Variants in DSTYK observed in about 807,000 individuals in gnomAD.
The protein encoded by DSTYK is dual serine/threonine and tyrosine protein kinase, also known as RIP-homologous kinase.
DSTYK carries 34 observed loss-of-function variants against 98.7 expected under a neutral mutation model. The observed-to-expected ratio is 0.34, with a 90% CI of 0.26 to 0.46. The LOEUF is 0.46. Among genes scored for constraint, DSTYK ranks in the 20% least tolerant of loss-of-function variants. DSTYK has a pLI of 1.00. For synonymous variants in DSTYK, 462 were observed against 457.3 expected, an observed-to-expected ratio of 1.01 and a Z score of -0.13; for missense variants, 962 against 1,181.7, an observed-to-expected ratio of 0.81 and a Z score of 2.73.
chr1:205,202,300 A>G, intron 1 of DSTYK: 2 of 665,672 alleles, frequency 3.0e-6, no homozygotes, highest in Non-Finnish European at 5.8e-6. Flanking sequence ...CAGGCCATCA[A>G]GGGTATGCAT....
At chr1:205,165,880 G>A (rs913664526) in intron 3 of DSTYK, among the ~76,000 whole-genome samples, 3 of 152,014 alleles carry the variant, frequency 2.0e-5, no homozygotes, top group Non-Finnish European at 4.4e-5. Flanking sequence ...TTTAGACCCA[G>A]GTGTGATGGT....
chr1:205,187,280 T>C, intron 2 of DSTYK, 138 bp downstream of exon 2: 15 of 1,005,446 alleles, frequency 1.5e-5, no homozygotes, highest in Non-Finnish European at 2.1e-5. Context: ...ACTTCCCAGA[T>C]TATGTTCCTC....
intron 1 of DSTYK, among the ~76,000 whole-genome samples, chr1:205,195,547 C>T (rs1658841081): frequency 6.6e-6 from 1 of 152,200 alleles, no homozygotes; most frequent in Non-Finnish European, 1.5e-5. Context: ...GGTAGTCTGG[C>T]TTTCAGAATC....
At chr1:205,176,499 A>AAAAAAAAAAAAAAAAT (rs1658235902) in intron 2 of DSTYK, among the ~76,000 whole-genome samples, 1 of 149,796 alleles carries the variant, frequency 6.7e-6, no homozygotes, top group Non-Finnish European at 1.5e-5. Context: ...AAAAAAAAAA[A>AAAAAAAAAAAAAAAAT]AAAAAAAAAA....
chr1:205,145,630 GTGATTCTCCTGCC>G lies in DSTYK; in HGVS notation c.*1915_*1927del, dbSNP rs1305308944. The G allele has an allele frequency of 6.7e-6, 1 of 148,796 alleles. No individual in the cohort carries two copies. Among genetic ancestry groups the G allele is most frequent in the African/African-American group, 2.4e-5 (1 of 40,856 alleles). The allele number at this position is 148,796 out of a possible 1,614,324, so 9.2% of individuals were successfully genotyped here. A position where few individuals can be genotyped will look rare whatever the true frequency, so the allele number is the denominator to read the frequency against. ...CATGACCTCTGCCTCCCGGGTTCAAGTGATTCTCCTGCCTCAGCCTCCCAAGTAGCTGGGATTA... is the reference window on the plus strand; with the variant it reads ...CATGACCTCTGCCTCCCGGGTTCAAGTCAGCCTCCCAAGTAGCTGGGATTA... On this transcript the variant is annotated 3_prime_UTR_variant, in exon 13 of 13. Transcript: ENST00000367162.
intron 1 of DSTYK, among the ~76,000 whole-genome samples, chr1:205,209,118 T>C (rs1243775707): frequency 6.6e-6 from 1 of 152,218 alleles, no homozygotes; most frequent in Non-Finnish European, 1.5e-5. Flanking sequence ...GGTATATTTG[T>C]ATGTCTTAAG....
chr1:205,203,968 C>T (rs898631555), intron 1 of DSTYK, among the ~76,000 whole-genome samples: 1 of 152,164 alleles, frequency 6.6e-6, no homozygotes, highest in Non-Finnish European at 1.5e-5. Flanking sequence ...AAACAGATTA[C>T]CCCCAGAAAG....
At chr1:205,188,037 G>A (rs1309137869) in intron 1 of DSTYK, among the ~76,000 whole-genome samples, 2 of 152,086 alleles carry the variant, frequency 1.3e-5, no homozygotes, top group Non-Finnish European at 2.9e-5. Context: ...GGAACAAACT[G>A]TTATTTCTAC....
chr1:205,174,575 T>C (rs1658170695), intron 2 of DSTYK, among the ~76,000 whole-genome samples: 1 of 150,300 alleles, frequency 6.7e-6, no homozygotes, highest in East Asian at 2.0e-4. Flanking sequence ...CTCAGCTACT[T>C]GGGAGGCTGA....
At chr1:205,196,854 G>C (rs537487340) in intron 1 of DSTYK, among the ~76,000 whole-genome samples, 2 of 150,136 alleles carry the variant, frequency 1.3e-5, no homozygotes, top group African/African-American at 4.9e-5. Context: ...AGCCTTCCGG[G>C]TTCGAGCAAT....
intron 1 of DSTYK, among the ~76,000 whole-genome samples, chr1:205,193,095 T>C (rs1380982002): frequency 2.6e-5 from 4 of 152,180 alleles, no homozygotes; most frequent in Non-Finnish European, 5.9e-5. Context: ...GCATTACCAC[T>C]GGCTGGTACA....
chr1:205,210,238 G>T (rs1439864372), intron 1 of DSTYK, among the ~76,000 whole-genome samples: 1 of 151,998 alleles, frequency 6.6e-6, no homozygotes, highest in Non-Finnish European at 1.5e-5. Flanking sequence ...TAGATTCTTA[G>T]GACCCACTTC....
At chr1:205,182,342 A>G (rs772349505) in intron 2 of DSTYK, among the ~76,000 whole-genome samples, 8 of 151,808 alleles carry the variant, frequency 5.3e-5, no homozygotes, top group Admixed American at 2.0e-4. Flanking sequence ...GTGAGCCAAG[A>G]TCGTACCACT....
At chr1:205,180,327 T>C (rs564012254) in intron 2 of DSTYK, among the ~76,000 whole-genome samples, 2 of 146,550 alleles carry the variant, frequency 1.4e-5, no homozygotes, top group Admixed American at 6.8e-5. Context: ...TGTGTTCTCA[T>C]TGTTCAACTC....
At chr1:205,156,690 T>C (rs1429069982) in intron 10 of DSTYK, among the ~76,000 whole-genome samples, 1 of 152,212 alleles carries the variant, frequency 6.6e-6, no homozygotes, top group Non-Finnish European at 1.5e-5. Flanking sequence ...CTTGGACTTT[T>C]GGATTAATGC....
At chr1:205,196,694 T>A (rs1424327567) in intron 1 of DSTYK, among the ~76,000 whole-genome samples, 1 of 148,508 alleles carries the variant, frequency 6.7e-6, no homozygotes, top group African/African-American at 2.5e-5. Context: ...CACAAACTAA[T>A]CAATTGCAAA....
Position 205,160,223 on chromosome 1 carries a change from C to T in DSTYK, c.1996G>A (p.Val666Ile), listed in dbSNP as rs1657675225. The T allele has an allele frequency of 6.2e-7, 1 of 1,614,180 alleles. No homozygotes were observed. The highest frequency in any genetic ancestry group is 1.3e-5 in the African/African-American group (1 of 75,048). ...CCTCCCCAGTTGTCACACAGGTATA[C>T]CACACCATACTGGCCCCGGCCCAGT... Reference protein sequence around the residue: ...QELGRGQYGVVYLCDNWGGHF... With the variant: ...QELGRGQYGVIYLCDNWGGHF... Residue 666 changes from valine to isoleucine, a missense_variant, in exon 8 of 13, where the codon GTA becomes ATA. Transcript: ENST00000367162.
At chr1:205,152,394 C>G (rs1444700057) in intron 10 of DSTYK, among the ~76,000 whole-genome samples, 1 of 152,220 alleles carries the variant, frequency 6.6e-6, no homozygotes, top group Non-Finnish European at 1.5e-5. Flanking sequence ...TCAGGTTGGT[C>G]TCGAACTCCC....
rs763325257 is a variant in DSTYK at position 205,187,464 on chromosome 1, T to C, written c.608A>G (p.His203Arg). ...EVQENNEDAA[H>R]VLAELEVTMH... is the part of the protein sequence containing the mutation. ...CGTTACCTCCAGTTCCGCTAAAACA[T>C]GAGCAGCATCCTCATTGTTCTCTTG... The change falls in exon 2 of 13, where the codon CAT (histidine) becomes CGT (arginine). Residue 203 changes from histidine (H) to arginine (R), a missense_variant. Transcript: ENST00000367162. 1.2e-5 allele frequency: 20 copies of C among 1,613,996 alleles called. No individual in the cohort carries two copies. Among genetic ancestry groups the C allele is most frequent in the Non-Finnish European group, 1.4e-5 (17 of 1,179,986 alleles).
Sources: gnomAD v4.1 joint callset for allele counts (sites outside exome capture counted in the v4.1 genomes callset) on GRCh38, gnomAD v4.1.1 for gene constraint, MANE v1.5 for transcripts, NCBI Gene and HGNC (gene_info 2026-07-23, HGNC 2026-07-21) for gene names.